The following USP7 variants were observed in gnomAD, a reference collection of about 807,000 sequenced individuals.
USP7 encodes ubiquitin C-terminal hydrolase 7.
In USP7, 9 loss-of-function variants were observed where a neutral mutation model predicts 162.9. The ratio of observed to expected loss-of-function variants is 0.06; its 90% CI spans 0.03 to 0.10. The LOEUF is 0.10. USP7 is among the 10% of genes least tolerant of loss of function. USP7 has a pLI of 1.00. For synonymous variants in USP7, 562 were observed against 475.9 expected (o/e 1.18, Z -2.35); for missense variants, 715 against 1,373.7 (o/e 0.52, Z 7.58).
chr16:8,898,857 C>A, intron 23 of USP7: 1 of 609,816 alleles, frequency 1.6e-6, no homozygotes, highest in Admixed American at 3.1e-5. Flanking sequence ...ACACAGCAGC[C>A]TGGCAGGACT....
At chr16:8,961,340 A>T (rs989745933) in intron 1 of USP7, among the ~76,000 whole-genome samples, 3 of 151,974 alleles carry the variant, frequency 2.0e-5, no homozygotes, top group Non-Finnish European at 4.4e-5. Context: ...CAAAAATACA[A>T]AAGTAGCCAG....
At position 8,921,238 on chromosome 16, in the gene USP7, T is replaced by A. The variant is rs1014628338; in HGVS notation, c.441A>T (p.Glu147Asp). ...VLKIINYRDD[E>D]KSFSRRISHL... Reference sequence around the variant, plus strand: ...GACTAATACGACGACTGAACGACTTTTCATCATCTCTGTAATTTATTATCT... The same window carrying A: ...GACTAATACGACGACTGAACGACTTATCATCATCTCTGTAATTTATTATCT... The change falls in exon 4 of 31, where the codon GAA (glutamate) becomes GAT (aspartate). Residue 147 changes from glutamate (E) to aspartate (D), a missense_variant. This residue lies in a region of USP7 where 35 missense variants were observed against 101.0 expected (regional missense o/e 0.35). Transcript: ENST00000344836. 6.2e-7 allele frequency: 1 copy of A among 1,614,056 alleles called. No individual in the cohort carries two copies. The highest frequency in any genetic ancestry group is 8.5e-7 in the Non-Finnish European group (1 of 1,180,044).
intron 12 of USP7, among the ~76,000 whole-genome samples, chr16:8,907,659 T>G (rs915442145): frequency 6.6e-6 from 1 of 152,094 alleles, no homozygotes; most frequent in East Asian, 1.9e-4. Flanking sequence ...CTGGCCAGCA[T>G]AGTGAAACCC....
At position 8,908,433 on chromosome 16, in the gene USP7, C is replaced by T; in HGVS notation, c.1179G>A (p.Val393=). Residue 393 remains valine (V), a synonymous_variant, in exon 12 of 31, where the codon GTG becomes GTA. Transcript: ENST00000344836. Reference sequence around the variant, plus strand: ...ACACTGGTGGCAATGTTAGGAATTTCACACCTTTCTCTGCTTCCTAAACAT... The same window carrying T: ...ACACTGGTGGCAATGTTAGGAATTTTACACCTTTCTCTGCTTCCTAAACAT... ...EHGLQEAEKG[V]KFLTLPPVLH... 6.2e-7 allele frequency: 1 copy of T among 1,612,412 alleles called. No homozygotes were observed. Among genetic ancestry groups the T allele is most frequent in the Non-Finnish European group, 8.5e-7 (1 of 1,179,316 alleles).
At chr16:8,941,402 T>C (rs1899040102) in intron 1 of USP7, among the ~76,000 whole-genome samples, 2 of 152,156 alleles carry the variant, frequency 1.3e-5, no homozygotes, top group African/African-American at 4.8e-5. Context: ...GAAAACATCT[T>C]ATTCTGTAGC....
At chr16:8,941,691 G>T (rs1269112352) in intron 1 of USP7, among the ~76,000 whole-genome samples, 1 of 152,216 alleles carries the variant, frequency 6.6e-6, no homozygotes, top group Non-Finnish European at 1.5e-5. Flanking sequence ...GGTGTGGTGA[G>T]GAGTGAGGGG....
intron 26 of USP7, 26 bp downstream of exon 26, chr16:8,896,973 C>G: frequency 6.3e-7 from 1 of 1,582,290 alleles, no homozygotes; most frequent in Non-Finnish European, 8.7e-7. Flanking sequence ...ACTGAACGTC[C>G]ACAATTGGGC....
chr16:8,931,573 T>G (rs759710157), intron 1 of USP7, among the ~76,000 whole-genome samples: 3 of 152,246 alleles, frequency 2.0e-5, no homozygotes, highest in Non-Finnish European at 4.4e-5. Context: ...AGGATAAAAT[T>G]GTTTTACCAC....
intron 1 of USP7, among the ~76,000 whole-genome samples, chr16:8,955,405 C>T (rs931035007): frequency 6.6e-6 from 1 of 152,072 alleles, no homozygotes; most frequent in Non-Finnish European, 1.5e-5. Flanking sequence ...CCACCATGCC[C>T]AGGCTCACAA....
intron 1 of USP7, among the ~76,000 whole-genome samples, chr16:8,946,635 T>C (rs1031897717): frequency 2.0e-5 from 3 of 152,214 alleles, no homozygotes; most frequent in African/African-American, 7.2e-5. Context: ...ACTGACACTC[T>C]GAAGAGCATA....
intron 1 of USP7, among the ~76,000 whole-genome samples, chr16:8,937,186 G>A (rs546818746): frequency 1.3e-5 from 2 of 148,338 alleles, no homozygotes; most frequent in African/African-American, 2.5e-5. Flanking sequence ...TTTAGCCTGG[G>A]CAACACAGTG....
At chr16:8,909,245 A>G (rs547365445) in intron 11 of USP7, among the ~76,000 whole-genome samples, 1 of 152,090 alleles carries the variant, frequency 6.6e-6, no homozygotes, top group Non-Finnish European at 1.5e-5. Flanking sequence ...CCCTCACTCC[A>G]TGTCTGACTC....
chr16:8,946,125 G>A lies in USP7; in HGVS notation c.80-15728C>T, dbSNP rs577788782. 1.6e-4 allele frequency among the ~76,000 whole-genome samples: 24 copies of A among 152,248 alleles called. No homozygotes were observed. In the South Asian group the frequency reaches 3.5e-3, roughly 22 times the overall value. On this transcript the variant is annotated intron_variant, in intron 1 of 30. Coordinates refer to ENST00000344836, the MANE Select transcript of USP7 (RefSeq NM_003470.3). ...GGACTCTACAGCCCCTCCCCCACAA[G>A]ACTCTCAACCTAAACCTCACACCTT...
chr16:8,934,257 A>C (rs1898549836), intron 1 of USP7, among the ~76,000 whole-genome samples: 1 of 152,242 alleles, frequency 6.6e-6, no homozygotes, highest in Admixed American at 6.5e-5. Flanking sequence ...GTGGAAAATA[A>C]TCGAACTCTA....
In USP7 at chr16:8,930,412, AAG is replaced by A. The variant is rs779654075; in HGVS notation, c.80-17_80-16del. On this transcript the variant is annotated splice_polypyrimidine_tract_variant and intron_variant, in intron 1 of 30. Coordinates refer to ENST00000344836, the MANE Select transcript of USP7 (RefSeq NM_003470.3). Reference sequence around the variant, plus strand: ...TGTATCTCCCGCTTTAAAGAAGAAAAAGAAATTCCACGGGTTTTACATTCATG... The same window carrying A: ...TGTATCTCCCGCTTTAAAGAAGAAAAAAATTCCACGGGTTTTACATTCATG... The A allele has an allele frequency of 1.8e-5, 28 of 1,591,084 alleles. No homozygotes were observed. In the Middle Eastern group the frequency reaches 6.9e-4, roughly 39 times the overall value.
chr16:8,913,141 A>G (rs1450254973), intron 10 of USP7, among the ~76,000 whole-genome samples: 2 of 152,230 alleles, frequency 1.3e-5, no homozygotes, highest in African/African-American at 4.8e-5. Flanking sequence ...AGATCACCTG[A>G]GGTCAGGAAC....
At chr16:8,918,954 TGA>T in intron 6 of USP7, 75 bp downstream of exon 6, 6 of 1,440,632 alleles carry the variant, frequency 4.2e-6, no homozygotes, top group Non-Finnish European at 5.8e-6. Context: ...CCATGTTTGT[TGA>T]GAGGACTTTG....
chr16:8,929,801 A>G (rs1332548936), intron 2 of USP7, among the ~76,000 whole-genome samples: 1 of 152,232 alleles, frequency 6.6e-6, no homozygotes, highest in African/African-American at 2.4e-5. Flanking sequence ...CAGAGAAGCT[A>G]TAGACCAAAA....
At chr16:8,936,181 C>G (rs933582480) in intron 1 of USP7, among the ~76,000 whole-genome samples, 2 of 152,176 alleles carry the variant, frequency 1.3e-5, no homozygotes, top group African/African-American at 4.8e-5. Flanking sequence ...TCCACTCAGC[C>G]CCCCAGATCC....
Sources: allele counts gnomAD v4.1 joint callset (sites outside exome capture counted in the v4.1 genomes callset), GRCh38; gene constraint gnomAD v4.1.1; regional missense constraint gnomAD v4.1.1; transcripts MANE v1.5; gene names NCBI Gene and HGNC (gene_info 2026-07-23, HGNC 2026-07-21).